The following PPP1R9A variants were observed in gnomAD, a reference collection of about 807,000 sequenced individuals.
PPP1R9A encodes the protein protein phosphatase 1 regulatory subunit 9A, also known as neurabin-1.
Under a neutral mutation model 141.9 loss-of-function variants are expected in PPP1R9A, and 59 were observed. The observed-to-expected ratio is 0.42, with a 90% CI of 0.34 to 0.52. The LOEUF (loss-of-function observed/expected upper bound fraction) is 0.52. PPP1R9A is among the 20% of genes least tolerant of loss of function. PPP1R9A has a pLI of 0.10. For missense variants in PPP1R9A, 1,444 were observed against 1,611.9 expected, an observed-to-expected ratio of 0.90 and a Z score of 1.78; for synonymous variants, 500 against 569.7, an observed-to-expected ratio of 0.88 and a Z score of 1.74.
Position 95,288,683 on chromosome 7 carries a change from G to C in PPP1R9A, c.3877G>C (p.Glu1293Gln), listed in dbSNP as rs1263136841. The C allele has an allele frequency of 6.2e-7, 1 of 1,613,952 alleles. No individual in the cohort carries two copies. Among genetic ancestry groups the C allele is most frequent in the Admixed American group, 1.7e-5 (1 of 59,990 alleles). ...ATTCAGTGCCCAAAACATCACTGGA[G>C]AACAGCTCCTGCAGTTGGATGGAAA... ...SEFSAQNITG[E>Q]QLLQLDGNKL... Residue 1293 changes from glutamate to glutamine, a missense_variant, in exon 19 of 20, where the codon GAA becomes CAA. Coordinates refer to ENST00000433360, the MANE Select transcript of PPP1R9A (RefSeq NM_001166160.2).
At chr7:95,035,830 T>C (rs913028126) in intron 2 of PPP1R9A, 7 of 152,208 alleles carry the variant, frequency 4.6e-5, no homozygotes, top group African/African-American at 1.7e-4. Context: ...AGTCGTACGA[T>C]TTTCTTCTTC....
chr7:95,073,826 C>T (rs981389725), intron 2 of PPP1R9A, among the ~76,000 whole-genome samples: 9 of 151,926 alleles, frequency 5.9e-5, no homozygotes, highest in African/African-American at 2.2e-4. Flanking sequence ...AAGCAATCCT[C>T]CTGCCTCAGC....
At chr7:94,942,446 C>G (rs1311403500) in intron 2 of PPP1R9A, among the ~76,000 whole-genome samples, 1 of 152,128 alleles carries the variant, frequency 6.6e-6, no homozygotes, top group Non-Finnish European at 1.5e-5. Flanking sequence ...CCTCTGTTTG[C>G]TTTTGTAAAT....
chr7:95,051,092 A>T (rs1466907648), intron 2 of PPP1R9A, among the ~76,000 whole-genome samples: 2 of 151,964 alleles, frequency 1.3e-5, no homozygotes, highest in East Asian at 3.9e-4. Flanking sequence ...TTTGCATCTT[A>T]CATTTTTACA....
chr7:94,984,922 G>A (rs145174912), intron 2 of PPP1R9A, among the ~76,000 whole-genome samples: 2,048 of 152,224 alleles, frequency 0.013, 51 homozygotes, highest in African/African-American at 0.047. Flanking sequence ...TAATTGTGAT[G>A]TTAGGGTGTC....
chr7:95,226,918 C>T (rs534315607), intron 8 of PPP1R9A, among the ~76,000 whole-genome samples: 5 of 152,142 alleles, frequency 3.3e-5, no homozygotes, highest in Non-Finnish European at 5.9e-5. Context: ...ATTAATAGGT[C>T]CCAAAGCAGT....
chr7:94,933,989 A>G (rs1794469261), intron 2 of PPP1R9A, among the ~76,000 whole-genome samples: 1 of 152,208 alleles, frequency 6.6e-6, no homozygotes, highest in South Asian at 2.1e-4. Context: ...TATGTTCTCA[A>G]TTTGGGACAA....
chr7:95,103,495 G>A (rs955424901), intron 2 of PPP1R9A, among the ~76,000 whole-genome samples: 1 of 151,548 alleles, frequency 6.6e-6, no homozygotes, highest in African/African-American at 2.4e-5. Context: ...AGCCTCCTGA[G>A]TAGCTGGGAC....
intron 1 of PPP1R9A, among the ~76,000 whole-genome samples, 186 bp from the exon 2 acceptor site, chr7:94,909,712 T>A (rs1791243547): frequency 6.6e-6 from 1 of 151,892 alleles, no homozygotes; most frequent in Middle Eastern, 3.2e-3. Flanking sequence ...GGAACTTTTT[T>A]TTTTTTTTTT....
intron 2 of PPP1R9A, among the ~76,000 whole-genome samples, chr7:94,946,410 G>A (rs754564036): frequency 3.3e-5 from 5 of 151,764 alleles, no homozygotes; most frequent in African/African-American, 7.3e-5. Flanking sequence ...ACTGTGTAGA[G>A]TGAGTTGCAT....
intron 2 of PPP1R9A, among the ~76,000 whole-genome samples, chr7:94,983,287 T>C (rs1356590391): frequency 1.3e-5 from 2 of 152,156 alleles, no homozygotes; most frequent in African/African-American, 4.8e-5. Flanking sequence ...TTGTTCTTTT[T>C]GCTTAGGATT....
At chr7:94,953,669 C>A (rs1796736701) in intron 2 of PPP1R9A, among the ~76,000 whole-genome samples, 1 of 152,050 alleles carries the variant, frequency 6.6e-6, no homozygotes, top group Non-Finnish European at 1.5e-5. Flanking sequence ...TGAAAAGATC[C>A]TTCACATTTC....
chr7:95,135,107 A>G (rs997862304), intron 4 of PPP1R9A, among the ~76,000 whole-genome samples: 3 of 152,102 alleles, frequency 2.0e-5, no homozygotes, highest in Non-Finnish European at 4.4e-5. Flanking sequence ...TAGCACACTT[A>G]TAGTGTTTTT....
rs1230188567 is a variant in PPP1R9A at position 95,089,971 on chromosome 7, T to C, written c.1396-21288T>C. On this transcript the variant is annotated intron_variant, in intron 2 of 19. Transcript: ENST00000433360. ...TGTTTCTCAGCATGAGCAGTAGTTT[T>C]CCAGACCCTCAGCCAAATGTCTGAA... Among the ~76,000 whole-genome samples the C allele has an allele frequency of 1.3e-5, 2 of 151,908 alleles. 1 individual carries two copies. The highest frequency in any genetic ancestry group is 4.9e-5 in the African/African-American group (2 of 41,212).
At chr7:95,218,954 T>A (rs1373716151) in intron 7 of PPP1R9A, among the ~76,000 whole-genome samples, 14 of 152,118 alleles carry the variant, frequency 9.2e-5, no homozygotes, top group Admixed American at 9.2e-4. Context: ...AATTGGAGCA[T>A]TTAGCCCATT....
chr7:95,019,831 A>G (rs1360335770), intron 2 of PPP1R9A, among the ~76,000 whole-genome samples: 2 of 152,210 alleles, frequency 1.3e-5, no homozygotes, highest in African/African-American at 4.8e-5. Context: ...CCCTCGCCCA[A>G]ACCAGCCATT....
rs557203908 is a variant in PPP1R9A at position 94,983,806 on chromosome 7, A to G, written c.1395+72298A>G. Among the ~76,000 whole-genome samples the G allele has an allele frequency of 2.0e-5, 3 of 152,260 alleles. No homozygotes were observed. In the South Asian group the frequency reaches 6.2e-4, roughly 32 times the overall value. Reference sequence around the variant, plus strand: ...GACAGTTTGACTTCCTCGTTTCCTAATCGAATACCTTTTATTTCTTTCTCT... The same window carrying G: ...GACAGTTTGACTTCCTCGTTTCCTAGTCGAATACCTTTTATTTCTTTCTCT... On this transcript the variant is annotated intron_variant, in intron 2 of 19. Transcript: ENST00000433360.
chr7:95,097,887 A>T (rs1179249665), intron 2 of PPP1R9A, among the ~76,000 whole-genome samples: 1 of 152,196 alleles, frequency 6.6e-6, no homozygotes, highest in African/African-American at 2.4e-5. Flanking sequence ...TACCACCAGG[A>T]ATTGGTTTAT....
At chr7:95,218,626 G>A (rs1156334601) in intron 7 of PPP1R9A, among the ~76,000 whole-genome samples, 1 of 152,048 alleles carries the variant, frequency 6.6e-6, no homozygotes, top group Non-Finnish European at 1.5e-5. Context: ...GATCTCTAAG[G>A]ACTTGCTTTA....
Sources: gnomAD v4.1 joint callset for allele counts (sites outside exome capture counted in the v4.1 genomes callset) on GRCh38, gnomAD v4.1.1 for gene constraint, MANE v1.5 for transcripts, NCBI Gene and HGNC (gene_info 2026-07-23, HGNC 2026-07-21) for gene names.